The following TENM2 variants were observed in gnomAD, a reference collection of about 807,000 sequenced individuals.
TENM2 encodes the protein teneurin-2.
TENM2 carries 52 observed loss-of-function variants against 245.2 expected under a neutral mutation model. The observed-to-expected ratio is 0.21, with a 90% CI of 0.17 to 0.27. The LOEUF is 0.27. Ranked by LOEUF, TENM2 falls within the 10% of genes least tolerant of loss-of-function variation. The pLI is 1.00. For synonymous variants in TENM2, 1,363 were observed against 1,438.9 expected (o/e 0.95, Z 1.19); for missense variants, 3,046 against 3,666.8 (o/e 0.83, Z 4.37).
intron 2 of TENM2, among the ~76,000 whole-genome samples, chr5:167,387,107 G>A (rs550293797): frequency 2.0e-5 from 3 of 152,156 alleles, no homozygotes; most frequent in East Asian, 1.9e-4. Flanking sequence ...CAGTATGGTC[G>A]TTTTGTAATA....
chr5:167,261,007 G>A, the TENM2 span, among the ~76,000 whole-genome samples: 7 of 152,100 alleles, frequency 4.6e-5, no homozygotes, highest in Non-Finnish European at 1.0e-4. Flanking sequence ...TCATAGATGA[G>A]AAAACATGGA....
the TENM2 span, among the ~76,000 whole-genome samples, chr5:167,118,158 A>G: frequency 6.6e-6 from 1 of 152,326 alleles, no homozygotes; most frequent in South Asian, 2.1e-4. Flanking sequence ...TTTGTAGGCT[A>G]TTTGATATTC....
chr5:167,786,138 G>A (rs1219923102), intron 2 of TENM2, among the ~76,000 whole-genome samples: 2 of 152,054 alleles, frequency 1.3e-5, no homozygotes, highest in African/African-American at 4.8e-5. Context: ...CAAATGCCAT[G>A]CTTAGAGTTC....
intron 7 of TENM2, among the ~76,000 whole-genome samples, chr5:168,079,907 T>A (rs6859094): frequency 2.0e-5 from 3 of 151,946 alleles, no homozygotes; most frequent in Non-Finnish European, 4.4e-5. Context: ...TTGTTGTGTC[T>A]CTGCCAGGCT....
intron 2 of TENM2, among the ~76,000 whole-genome samples, chr5:167,376,303 T>A (rs1760746072): frequency 6.6e-6 from 1 of 152,192 alleles, no homozygotes; most frequent in Admixed American, 6.5e-5. Context: ...GACGAAAACA[T>A]CAAATGCTAT....
intron 1 of TENM2, among the ~76,000 whole-genome samples, chr5:167,349,451 T>A (rs555564678): frequency 5.9e-5 from 9 of 152,268 alleles, no homozygotes; most frequent in African/African-American, 2.2e-4. Context: ...TGCCACACCA[T>A]CCCTCCTAGT....
intron 12 of TENM2, among the ~76,000 whole-genome samples, chr5:168,158,960 C>T (rs888487636): frequency 7.0e-6 from 1 of 143,566 alleles, no homozygotes; most frequent in Admixed American, 7.0e-5. Context: ...TATATATGTA[C>T]GTGTATACAT....
chr5:168,156,634 C>T (rs1265769640), intron 12 of TENM2, among the ~76,000 whole-genome samples: 2 of 152,008 alleles, frequency 1.3e-5, no homozygotes, highest in East Asian at 1.9e-4. Flanking sequence ...CCCTTTTTAC[C>T]GTGCTGTAGA....
intron 1 of TENM2, among the ~76,000 whole-genome samples, chr5:167,361,017 C>A (rs2127265332): frequency 6.6e-6 from 1 of 152,110 alleles, no homozygotes; most frequent in South Asian, 2.1e-4. Context: ...TAACTTTAGC[C>A]CAAATTGAAT....
At chr5:167,148,460 T>C in the TENM2 span, among the ~76,000 whole-genome samples, 1 of 152,218 alleles carries the variant, frequency 6.6e-6, no homozygotes. Flanking sequence ...AGTTTATATA[T>C]TTCTTTATAA....
chr5:167,853,864 A>G (rs1770827079), intron 2 of TENM2, among the ~76,000 whole-genome samples: 1 of 152,212 alleles, frequency 6.6e-6, no homozygotes, highest in African/African-American at 2.4e-5. Context: ...CAACAACAGC[A>G]AAATTCAAAT....
the TENM2 span, among the ~76,000 whole-genome samples, chr5:167,166,320 G>A: frequency 6.6e-6 from 1 of 152,106 alleles, no homozygotes; most frequent in Non-Finnish European, 1.5e-5. Context: ...ATGAAGCTGA[G>A]AGTCAATGCC....
chr5:168,253,020 G>A (rs1264813704), intron 27 of TENM2, among the ~76,000 whole-genome samples: 4 of 152,046 alleles, frequency 2.6e-5, no homozygotes. Flanking sequence ...AGGCTGGAGT[G>A]CAGTGGCATG....
chr5:168,098,797 A>G (rs1793572414), intron 9 of TENM2, among the ~76,000 whole-genome samples: 1 of 152,204 alleles, frequency 6.6e-6, no homozygotes, highest in African/African-American at 2.4e-5. Flanking sequence ...AGACACAGAC[A>G]CAGATACACA....
chr5:167,815,930 G>A (rs1767015235), intron 2 of TENM2, among the ~76,000 whole-genome samples: 1 of 151,834 alleles, frequency 6.6e-6, no homozygotes, highest in Non-Finnish European at 1.5e-5. Flanking sequence ...CATAGTATGA[G>A]GGGTTTGACC....
chr5:168,175,254 A>G (rs1759250445), intron 13 of TENM2, among the ~76,000 whole-genome samples: 2 of 152,208 alleles, frequency 1.3e-5, no homozygotes, highest in East Asian at 3.8e-4. Flanking sequence ...AAGTGTTTGC[A>G]TCTCCCTGTA....
chr5:167,581,894 T>C (rs749135255), intron 2 of TENM2, among the ~76,000 whole-genome samples: 5 of 151,870 alleles, frequency 3.3e-5, no homozygotes, highest in East Asian at 1.9e-4. Flanking sequence ...GTTGTAGATA[T>C]ATTTAGTAAT....
chr5:168,165,547 C>T (rs560487249), intron 13 of TENM2, among the ~76,000 whole-genome samples: 10 of 151,320 alleles, frequency 6.6e-5, no homozygotes, highest in African/African-American at 1.2e-4. Flanking sequence ...AGCTTCCACC[C>T]GGCCAAAACC....
intron 2 of TENM2, among the ~76,000 whole-genome samples, chr5:167,852,000 TTC>T (rs1296904947): frequency 5.3e-5 from 8 of 152,310 alleles, no homozygotes; most frequent in African/African-American, 1.9e-4. Flanking sequence ...CACTCCTTAA[TTC>T]TCTCCCACAT....
Sources: allele counts gnomAD v4.1 joint callset (sites outside exome capture counted in the v4.1 genomes callset), GRCh38; gene constraint gnomAD v4.1.1; transcripts MANE v1.5; gene names NCBI Gene and HGNC (gene_info 2026-07-23, HGNC 2026-07-21).